The following POU2F3 variants were observed in gnomAD, a reference collection of about 807,000 sequenced individuals.
POU2F3 encodes POU class 2 homeobox 3, also known as POU domain, class 2, transcription factor 3.
POU2F3 carries 23 observed loss-of-function variants against 59.2 expected under a neutral mutation model. That is an observed-to-expected ratio of 0.39 (90% CI 0.28 to 0.55). POU2F3 has a LOEUF of 0.55. POU2F3 is among the 20% of genes least tolerant of loss of function. The pLI, the probability that POU2F3 is intolerant of heterozygous loss-of-function variation, is 0.66. For synonymous variants in POU2F3, 190 were observed against 214.6 expected (o/e 0.89, Z 1.00); for missense variants, 473 against 544.5 (o/e 0.87, Z 1.31).
chr11:120,305,697 C>T lies in POU2F3; in HGVS notation c.681C>T (p.Thr227=), dbSNP rs774967778. 1.2e-6 allele frequency: 2 copies of T among 1,614,008 alleles called. No homozygotes were observed. Among genetic ancestry groups the T allele is most frequent in the East Asian group, 2.2e-5 (1 of 44,878 alleles). ...GKLYGNDFSQ[T]TISRFEALNL... is the part of the protein sequence containing the mutation. ...TGTATGGCAACGACTTCAGCCAGAC[C>T]ACCATCTCACGATTTGAGGCCCTCA... Residue 227 remains threonine, a synonymous_variant, in exon 8 of 13, where the codon ACC becomes ACT. Coordinates refer to ENST00000543440, the MANE Select transcript of POU2F3 (RefSeq NM_014352.4).
intron 2 of POU2F3, chr11:120,259,430 A>C (rs1035004001): frequency 2.0e-5 from 3 of 152,372 alleles, no homozygotes; most frequent in African/African-American, 7.2e-5. Flanking sequence ...AGGATCCATT[A>C]GTGATGTCTG....
chr11:120,276,652 C>G (rs530364154), intron 3 of POU2F3, among the ~76,000 whole-genome samples: 1 of 152,148 alleles, frequency 6.6e-6, no homozygotes, highest in Non-Finnish European at 1.5e-5. Flanking sequence ...AGCAGTACAG[C>G]TGGGTTTTCA....
intron 2 of POU2F3, among the ~76,000 whole-genome samples, chr11:120,248,094 G>C (rs555191846): frequency 6.6e-6 from 1 of 152,200 alleles, no homozygotes; most frequent in Non-Finnish European, 1.5e-5. Context: ...TGGTCAATAT[G>C]AGCAAATTCT....
intron 5 of POU2F3, among the ~76,000 whole-genome samples, chr11:120,300,241 T>G (rs1291414501): frequency 6.6e-6 from 1 of 152,156 alleles, no homozygotes; most frequent in Non-Finnish European, 1.5e-5. Context: ...CAAGAGCAAA[T>G]AGATTGAACT....
At chr11:120,299,057 A>G (rs887232364) in intron 4 of POU2F3, among the ~76,000 whole-genome samples, 1 of 152,176 alleles carries the variant, frequency 6.6e-6, no homozygotes, top group African/African-American at 2.4e-5. Flanking sequence ...CATCGGAATT[A>G]TTAGTCCTAT....
At chr11:120,316,600 A>AT (rs1216039710) in intron 11 of POU2F3, among the ~76,000 whole-genome samples, 2 of 151,924 alleles carry the variant, frequency 1.3e-5, no homozygotes, top group Admixed American at 6.6e-5. Flanking sequence ...TAATTTTTGT[A>AT]TTTTTTGCAG....
chr11:120,258,226 C>T (rs1355335165), intron 2 of POU2F3, among the ~76,000 whole-genome samples: 2 of 152,158 alleles, frequency 1.3e-5, no homozygotes, highest in African/African-American at 4.8e-5. Context: ...CCCCACTTTC[C>T]TCACCCTGGG....
intron 10 of POU2F3, among the ~76,000 whole-genome samples, chr11:120,311,349 G>A (rs1380653936): frequency 6.6e-6 from 1 of 152,168 alleles, no homozygotes; most frequent in African/African-American, 2.4e-5. Context: ...CAGTTAGGAT[G>A]GGACTGCAGG....
At chr11:120,302,264 T>C (rs1235466325) in intron 5 of POU2F3, 22 bp from the exon 6 acceptor site, 1 of 1,562,548 alleles carries the variant, frequency 6.4e-7, no homozygotes, top group Non-Finnish European at 8.8e-7. Context: ...GTCTGTTCCT[T>C]TGTCCCTCCC....
upstream of POU2F3, among the ~76,000 whole-genome samples, chr11:120,236,926 T>C (rs568459322): frequency 6.6e-6 from 1 of 152,318 alleles, no homozygotes; most frequent in South Asian, 2.1e-4. Flanking sequence ...TGTTCTGTTT[T>C]CTGGGGTAAG....
upstream of POU2F3, among the ~76,000 whole-genome samples, chr11:120,239,001 T>C (rs1185398721): frequency 6.6e-6 from 1 of 152,106 alleles, no homozygotes; most frequent in Admixed American, 6.5e-5. Flanking sequence ...CAGTGCTTGA[T>C]ACACAGTGAA....
At chr11:120,287,328 C>T (rs1565376016) in intron 3 of POU2F3, among the ~76,000 whole-genome samples, 1 of 152,112 alleles carries the variant, frequency 6.6e-6, no homozygotes. Context: ...GCATTAGTAC[C>T]ACATATGTTT....
chr11:120,298,836 C>T (rs1370167613), intron 4 of POU2F3, among the ~76,000 whole-genome samples: 1 of 152,280 alleles, frequency 6.6e-6, no homozygotes, highest in South Asian at 2.1e-4. Context: ...TCCGGGAGGG[C>T]GTTCACATGA....
intron 3 of POU2F3, among the ~76,000 whole-genome samples, chr11:120,290,273 A>T (rs1017536895): frequency 2.6e-5 from 4 of 152,220 alleles, no homozygotes; most frequent in African/African-American, 9.6e-5. Context: ...TGCCAAAGAG[A>T]TTCCCATTCA....
intron 10 of POU2F3, among the ~76,000 whole-genome samples, chr11:120,314,393 T>A (rs1941730392): frequency 6.6e-6 from 1 of 151,762 alleles, no homozygotes; most frequent in Admixed American, 6.6e-5. Context: ...AAAAGAAGAG[T>A]CGAATAACAT....
chr11:120,318,068 C>A (rs903816764), intron 12 of POU2F3, among the ~76,000 whole-genome samples: 1 of 152,146 alleles, frequency 6.6e-6, no homozygotes, highest in Non-Finnish European at 1.5e-5. Flanking sequence ...TCCTCACCTA[C>A]CCCTACTGAG....
At chr11:120,240,129 C>A (rs1409989748), upstream of POU2F3, 5 of 1,178,064 alleles carry the variant, frequency 4.2e-6, no homozygotes, top group Non-Finnish European at 3.1e-6. Flanking sequence ...GCGCCGCGTG[C>A]TCACCTGGGG....
At chr11:120,255,845 T>G (rs1420392936) in intron 2 of POU2F3, among the ~76,000 whole-genome samples, 3 of 152,136 alleles carry the variant, frequency 2.0e-5, no homozygotes, top group Admixed American at 2.0e-4. Context: ...CTGCGTGAAT[T>G]CTGGGGCTGG....
intron 2 of POU2F3, among the ~76,000 whole-genome samples, chr11:120,268,470 A>G (rs555481220): frequency 7.2e-5 from 11 of 152,196 alleles, no homozygotes; most frequent in Middle Eastern, 3.4e-3. Context: ...CCCCCTGAGT[A>G]GCTGGGACTA....
Sources: gnomAD v4.1 joint callset for allele counts (sites outside exome capture counted in the v4.1 genomes callset) on GRCh38, gnomAD v4.1.1 for gene constraint, MANE v1.5 for transcripts, NCBI Gene and HGNC (gene_info 2026-07-23, HGNC 2026-07-21) for gene names.